The following TWF1 variants were observed in gnomAD, a reference collection of about 807,000 sequenced individuals.
The protein encoded by TWF1 is twinfilin actin binding protein 1.
In TWF1, 14 loss-of-function variants were observed where a neutral mutation model predicts 47.9. The observed-to-expected ratio is 0.29, with a 90% confidence interval of 0.19 to 0.46. The LOEUF is 0.46. Ranked by LOEUF, TWF1 falls within the 20% of genes least tolerant of loss-of-function variation. The pLI is 1.00. For missense variants in TWF1, 281 were observed against 409.3 expected (o/e 0.69, Z 2.70); for synonymous variants, 96 against 139.2 (o/e 0.69, Z 2.18).
At chr12:43,805,086 C>T (rs1365608713) in intron 1 of TWF1, among the ~76,000 whole-genome samples, 2 of 152,176 alleles carry the variant, frequency 1.3e-5, no homozygotes, top group African/African-American at 4.8e-5. Flanking sequence ...ATTTTTCTAA[C>T]TTGCATTTCT....
intron 2 of TWF1, chr12:43,804,185 G>A (rs1359327903): frequency 2.3e-6 from 1 of 438,440 alleles, no homozygotes; most frequent in Non-Finnish European, 4.5e-6. Flanking sequence ...CCTGTTTAGT[G>A]ATTTCCATTC....
intron 2 of TWF1, 155 bp downstream of exon 2, chr12:43,804,340 G>T: frequency 1.6e-6 from 1 of 607,054 alleles, no homozygotes. Context: ...GGGCCCATAG[G>T]GACCTGCACA....
rs753032364 is a variant in TWF1, at chr12:43,797,812, C to T, written c.505G>A (p.Asp169Asn). ...INEVQTDVGVDTKHQTLQGVA... is the reference protein window; with the variant it reads ...INEVQTDVGVNTKHQTLQGVA... ...CCTTGTAGTGTTTGATGCTTAGTGTCCACACCCACGTCAGTCTGTACCTAA... is the reference window on the plus strand; with the variant it reads ...CCTTGTAGTGTTTGATGCTTAGTGTTCACACCCACGTCAGTCTGTACCTAA... The change falls in exon 6 of 9, where the codon GAC becomes AAC. Residue 169 changes from aspartate (D) to asparagine (N), a missense_variant. Physicochemically the swap from Asp to Asn is conservative, Grantham distance 23. Transcript: ENST00000395510. The T allele has an allele frequency of 2.6e-5, 42 of 1,613,168 alleles. No individual in the cohort carries two copies. Among genetic ancestry groups the T allele is most frequent in the Non-Finnish European group, 3.2e-5 (38 of 1,179,466 alleles).
At chr12:43,799,551 G>T in intron 4 of TWF1, 49 bp from the exon 5 acceptor site, 2 of 1,106,592 alleles carry the variant, frequency 1.8e-6, no homozygotes, top group Non-Finnish European at 2.6e-6. Context: ...GAAGTAAAAT[G>T]ACAGTGAAGT....
chr12:43,800,277 C>T (rs560612209), intron 4 of TWF1, among the ~76,000 whole-genome samples, 158 bp downstream of exon 4: 1 of 152,112 alleles, frequency 6.6e-6, no homozygotes, highest in South Asian at 2.1e-4. Flanking sequence ...GTTACATATT[C>T]ATTACAGCTA....
intron 5 of TWF1, 31 bp downstream of exon 5, chr12:43,799,367 A>G: frequency 2.8e-6 from 4 of 1,413,300 alleles, no homozygotes; most frequent in Non-Finnish European, 3.9e-6. Flanking sequence ...AACACTTAAA[A>G]TCTTGCAAAG....
At chr12:43,797,548 T>C in intron 6 of TWF1, 96 bp from the exon 7 acceptor site, 1 of 1,354,074 alleles carries the variant, frequency 7.4e-7, no homozygotes, top group Non-Finnish European at 1.0e-6. Flanking sequence ...AGGAGGAACT[T>C]AGTTCTGGAT....
At chr12:43,799,750 C>T (rs1021824761) in intron 4 of TWF1, among the ~76,000 whole-genome samples, 13 of 151,996 alleles carry the variant, frequency 8.6e-5, no homozygotes, top group African/African-American at 3.1e-4. Flanking sequence ...GAGTTTCATA[C>T]TGGCAAAGTG....
chr12:43,806,258 T>C lies in TWF1; in HGVS notation c.-13A>G, dbSNP rs1309798621. ...TCTGGTGGGACATGGCGGCGGCCGC[T>C]AGCTCCCGGCTCCGGCGCTGAGTGC... On this transcript the variant is annotated 5_prime_UTR_variant, in exon 1 of 9. Transcript: ENST00000395510. 1.2e-5 allele frequency: 19 copies of C among 1,522,040 alleles called. No homozygotes were observed. The highest frequency in any genetic ancestry group is 1.6e-5 in the Non-Finnish European group (18 of 1,137,988). 94.3% of individuals were successfully genotyped at this position (1,522,040 alleles called of 1,614,324 possible). A position where few individuals can be genotyped will look rare whatever the true frequency, so the allele number is the denominator to read the frequency against.
At chr12:43,804,170 A>G in intron 2 of TWF1, 1 of 389,136 alleles carries the variant, frequency 2.6e-6, no homozygotes, top group Non-Finnish European at 5.1e-6. Context: ...TTTTTTTGAT[A>G]ATCACCTGTT....
chr12:43,800,201 T>G (rs985132038), intron 4 of TWF1, among the ~76,000 whole-genome samples: 1 of 152,210 alleles, frequency 6.6e-6, no homozygotes, highest in East Asian at 1.9e-4. Flanking sequence ...CCATATACTT[T>G]AGAAGAATCA....
intron 5 of TWF1, 52 bp from the exon 6 acceptor site, chr12:43,797,885 G>A (rs774469240): frequency 1.3e-6 from 2 of 1,564,488 alleles, no homozygotes; most frequent in Middle Eastern, 1.7e-4. Flanking sequence ...GTATCCTATG[G>A]CAAACATAAG....
intron 1 of TWF1, 181 bp downstream of exon 1, chr12:43,806,040 G>A: frequency 2.0e-6 from 3 of 1,520,084 alleles, no homozygotes; most frequent in Admixed American, 4.0e-5. Context: ...GCTGGAGGAG[G>A]ACGCAGGCCG....
At chr12:43,799,920 T>C (rs1350625965) in intron 4 of TWF1, among the ~76,000 whole-genome samples, 2 of 152,112 alleles carry the variant, frequency 1.3e-5, no homozygotes, top group Admixed American at 1.3e-4. Flanking sequence ...TGGAAAATTA[T>C]TATAGTTTTC....
intron 2 of TWF1, among the ~76,000 whole-genome samples, chr12:43,803,467 G>A (rs1942699955): frequency 6.6e-6 from 1 of 151,978 alleles, no homozygotes. Flanking sequence ...GGAGATATAG[G>A]TATTTATGAT....
In TWF1 at chr12:43,802,409, A is replaced by G. The variant is rs935539505; in HGVS notation, c.159T>C (p.Tyr53=). ...CCAACAGGGGTAAAACAAAGGAATC[A>G]TAATCCTTATCCCAGGAATCTGAAG... ...SQPSDSWDKD[Y]DSFVLPLLED... The change falls in exon 3 of 9, where the codon TAT becomes TAC. Residue 53 remains tyrosine, a synonymous_variant. Coordinates refer to ENST00000395510, the MANE Select transcript of TWF1 (RefSeq NM_002822.5). 1 of 1,605,876 alleles carries G rather than the reference A, an allele frequency of 6.2e-7. No individual in the cohort carries two copies. Among genetic ancestry groups the G allele is most frequent in the African/African-American group, 1.3e-5 (1 of 74,376 alleles).
intron 1 of TWF1, chr12:43,805,570 T>C (rs901819688): frequency 7.4e-5 from 34 of 461,958 alleles, no homozygotes; most frequent in Non-Finnish European, 1.3e-4. Flanking sequence ...AGGTCAGATA[T>C]AACTGCATAT....
chr12:43,802,210 C>A (rs1027555823), intron 3 of TWF1, 76 bp downstream of exon 3: 24 of 977,250 alleles, frequency 2.5e-5, no homozygotes, highest in East Asian at 2.2e-4. Flanking sequence ...TGTTTTTTAA[C>A]CTTTATTTGA....
chr12:43,800,142 A>AT lies in TWF1; in HGVS notation c.378+292dup, dbSNP rs1306330568. The stretch of plus-strand genomic sequence containing the variant: ...TAAACAAACAAAAAAGTTCAAAAAT[A>AT]TATTTCAGTGTTTCAATTTGTGTAT... On this transcript the variant is annotated intron_variant, in intron 4 of 8. Coordinates refer to ENST00000395510, the MANE Select transcript of TWF1 (RefSeq NM_002822.5). 2.0e-5 allele frequency among the ~76,000 whole-genome samples: 3 copies of AT among 152,126 alleles called. No homozygotes were observed. In the East Asian group the frequency reaches 5.8e-4, roughly 29 times the overall value.
Sources: allele counts gnomAD v4.1 joint callset (sites outside exome capture counted in the v4.1 genomes callset), GRCh38; gene constraint gnomAD v4.1.1; transcripts MANE v1.5; gene names NCBI Gene and HGNC (gene_info 2026-07-23, HGNC 2026-07-21).